The following MCPH1 variants were observed in gnomAD, a reference collection of about 807,000 sequenced individuals.
The protein encoded by MCPH1 is microcephalin 1.
MCPH1 carries 104 observed loss-of-function variants against 84.5 expected under a neutral mutation model. The observed-to-expected ratio is 1.23, with a 90% CI of 1.05 to 1.45. MCPH1 has a LOEUF of 1.45. MCPH1 is among the 40% of genes most tolerant of loss of function. The pLI is 0.00. For missense variants in MCPH1, 1,498 were observed against 1,005.7 expected, an observed-to-expected ratio of 1.49 and a Z score of -6.62; for synonymous variants, 514 against 366.8, an observed-to-expected ratio of 1.40 and a Z score of -4.58.
chr8:6,591,581 T>C (rs909882506), intron 12 of MCPH1, among the ~76,000 whole-genome samples: 4 of 152,326 alleles, frequency 2.6e-5, no homozygotes, highest in South Asian at 2.1e-4. Flanking sequence ...ACTTTAGAAA[T>C]ATCTTTGCGG....
chr8:6,518,792 A>G (rs1347756584), intron 12 of MCPH1, among the ~76,000 whole-genome samples: 4 of 152,228 alleles, frequency 2.6e-5, no homozygotes, highest in Non-Finnish European at 1.5e-5. Flanking sequence ...ATTTATAGAC[A>G]TTTAATATAT....
chr8:6,581,884 A>G (rs1827594868), intron 12 of MCPH1, among the ~76,000 whole-genome samples: 1 of 152,118 alleles, frequency 6.6e-6, no homozygotes, highest in Non-Finnish European at 1.5e-5. Context: ...GCGTCCTCAC[A>G]TGGCAGAAGG....
At chr8:6,411,279 C>A (rs1417248393) in intron 2 of MCPH1, among the ~76,000 whole-genome samples, 1 of 152,076 alleles carries the variant, frequency 6.6e-6, no homozygotes, top group African/African-American at 2.4e-5. Context: ...GGTGACATAT[C>A]CACCAGAAGT....
intron 12 of MCPH1, among the ~76,000 whole-genome samples, chr8:6,605,527 A>T (rs1025391429): frequency 6.6e-6 from 1 of 152,296 alleles, no homozygotes; most frequent in Admixed American, 6.5e-5. Flanking sequence ...GTAAACCTCT[A>T]CTGTCTTATG....
intron 2 of MCPH1, among the ~76,000 whole-genome samples, chr8:6,410,515 C>G (rs141205246): frequency 1.3e-5 from 2 of 152,320 alleles, no homozygotes; most frequent in East Asian, 3.9e-4. Context: ...ATAGCCATCT[C>G]TGTTATCAGA....
intron 11 of MCPH1, among the ~76,000 whole-genome samples, chr8:6,485,732 T>C (rs1586052776): frequency 6.6e-6 from 1 of 152,114 alleles, no homozygotes; most frequent in Non-Finnish European, 1.5e-5. Context: ...TGGCTTCAGG[T>C]GAAATATCTG....
Position 6,645,704 on chromosome 8 carries a change from C to A in MCPH1, c.*2655C>A, listed in dbSNP as rs1468072138. ...AATCTTCCTAAAGATTATATACAAA[C>A]CTAACAGAATTGTATTTATATATAC... is the stretch of plus-strand genomic sequence containing the variant. On this transcript the variant is annotated 3_prime_UTR_variant, in exon 14 of 14. Transcript: ENST00000344683. 2 of 147,188 alleles carry A rather than the reference C, an allele frequency of 1.4e-5. No individual in the cohort carries two copies. Among genetic ancestry groups the A allele is most frequent in the Admixed American group, 1.4e-4 (2 of 14,682 alleles). 9.1% of individuals were successfully genotyped at this position (147,188 alleles called of 1,614,324 possible). A position where few individuals can be genotyped will look rare whatever the true frequency, so the allele number is the denominator to read the frequency against.
chr8:6,533,648 G>T (rs1378930461), intron 12 of MCPH1, among the ~76,000 whole-genome samples: 1 of 139,572 alleles, frequency 7.2e-6, no homozygotes, highest in East Asian at 2.2e-4. Flanking sequence ...GTATAAGCTC[G>T]TGAGTGCACA....
At chr8:6,420,343 A>G (rs1799988178) in intron 3 of MCPH1, among the ~76,000 whole-genome samples, 1 of 151,910 alleles carries the variant, frequency 6.6e-6, no homozygotes, top group Non-Finnish European at 1.5e-5. Context: ...TCCAGGCTGT[A>G]CTACTTTTTA....
At position 6,520,013 on chromosome 8, in the gene MCPH1, G is replaced by T. The variant is rs748239199; in HGVS notation, c.2214+20084G>T. On this transcript the variant is annotated intron_variant, in intron 12 of 13. Transcript: ENST00000344683. ...TTAGCTGCTTTTAAAAAATAGTAAG[G>T]CATTTAAACGGAGTTCATGAAAAGA... 1.1e-5 allele frequency: 17 copies of T among 1,610,736 alleles called. No homozygotes were observed. In the Admixed American group the frequency reaches 2.7e-4, roughly 25 times the overall value.
chr8:6,534,887 G>T (rs1417945786), intron 12 of MCPH1, among the ~76,000 whole-genome samples: 2 of 152,102 alleles, frequency 1.3e-5, no homozygotes, highest in African/African-American at 2.4e-5. Context: ...ATAGCAGTTC[G>T]TAATTCTCCC....
intron 11 of MCPH1, among the ~76,000 whole-genome samples, chr8:6,482,299 ACT>A (rs1809344581): frequency 6.6e-6 from 1 of 152,108 alleles, no homozygotes; most frequent in African/African-American, 2.4e-5. Flanking sequence ...GGAAAAAATG[ACT>A]CTTTGACCTG....
intron 12 of MCPH1, among the ~76,000 whole-genome samples, chr8:6,522,360 AAAAG>A (rs995667768): frequency 1.3e-5 from 2 of 149,802 alleles, no homozygotes; most frequent in Admixed American, 6.6e-5. Context: ...GTCTCAAAAA[AAAAG>A]AAAAAAAAAT....
Position 6,445,108 on chromosome 8 carries a change from C to T in MCPH1, c.1386C>T (p.Ser462=). 2 of 1,614,170 alleles carry T rather than the reference C, an allele frequency of 1.2e-6. No homozygotes were observed. The highest frequency in any genetic ancestry group is 1.7e-6 in the Non-Finnish European group (2 of 1,180,020). The change falls in exon 8 of 14, where the codon TCC becomes TCT. Residue 462 remains serine, a synonymous_variant. Coordinates refer to ENST00000344683, the MANE Select transcript of MCPH1 (RefSeq NM_024596.5). The part of the protein sequence containing the change: ...RTSIFEMSDF[S]CVGKKTRTVD... The stretch of plus-strand genomic sequence containing the variant: ...GCATATTTGAAATGTCTGATTTTTC[C>T]TGCGTTGGCAAAAAAACCAGAACAG...
At position 6,643,293 on chromosome 8, in the gene MCPH1, C is replaced by A. The variant is rs1224358996; in HGVS notation, c.*244C>A. ...TATTTTTTATTTTTTGAGACGGAGT[C>A]CTGCCCTGTTTCCCAGGCTGGAGTG... On this transcript the variant is annotated 3_prime_UTR_variant, in exon 14 of 14. Transcript: ENST00000344683. 5 of 507,706 alleles carry A rather than the reference C, an allele frequency of 9.8e-6. No homozygotes were observed. The highest frequency in any genetic ancestry group is 1.8e-5 in the Non-Finnish European group (5 of 283,630). 31.5% of individuals were successfully genotyped at this position (507,706 alleles called of 1,614,324 possible).
At chr8:6,494,426 C>T (rs1235711105) in intron 11 of MCPH1, 4 of 152,196 alleles carry the variant, frequency 2.6e-5, no homozygotes, top group Non-Finnish European at 5.9e-5. Flanking sequence ...GTGGATTTCA[C>T]TGCTAACCTT....
chr8:6,607,220 T>A (rs1341522306), intron 12 of MCPH1, among the ~76,000 whole-genome samples: 1 of 152,160 alleles, frequency 6.6e-6, no homozygotes, highest in African/African-American at 2.4e-5. Flanking sequence ...GAAAGGAACA[T>A]CCTTGTCTCT....
intron 12 of MCPH1, among the ~76,000 whole-genome samples, chr8:6,610,287 C>T (rs577457231): frequency 2.6e-5 from 4 of 152,184 alleles, no homozygotes; most frequent in African/African-American, 2.4e-5. Flanking sequence ...ACACGAGCCA[C>T]CTTGATTTTA....
chr8:6,438,893 A>G, intron 5 of MCPH1, 60 bp from the exon 6 acceptor site: 1 of 1,521,134 alleles, frequency 6.6e-7, no homozygotes, highest in Non-Finnish European at 9.1e-7. Flanking sequence ...AAAAGGAATC[A>G]CATTCCTGAA....
Sources: allele counts gnomAD v4.1 joint callset (sites outside exome capture counted in the v4.1 genomes callset), GRCh38; gene constraint gnomAD v4.1.1; transcripts MANE v1.5; gene names NCBI Gene and HGNC (gene_info 2026-07-23, HGNC 2026-07-21).